LRRIQ1: variants seen among roughly 807,000 people sequenced by gnomAD.
LRRIQ1 encodes the protein leucine rich repeats and IQ motif containing 1.
LRRIQ1 carries 210 observed loss-of-function variants against 211.9 expected under a neutral mutation model. The ratio of observed to expected loss-of-function variants is 0.99; its 90% CI spans 0.89 to 1.11. The LOEUF (loss-of-function observed/expected upper bound fraction) is 1.11, where lower values mean the gene tolerates loss of function less well. Ranked by LOEUF, LRRIQ1 falls within the 50% of genes most tolerant of loss-of-function variation. The pLI is 0.00. For missense variants in LRRIQ1, 2,136 were observed against 1,939.5 expected, an observed-to-expected ratio of 1.10 and a Z score of -1.90; for synonymous variants, 699 against 650.1, an observed-to-expected ratio of 1.08 and a Z score of -1.14.
intron 6 of LRRIQ1, among the ~76,000 whole-genome samples, chr12:85,049,954 C>A (rs560804239): frequency 6.6e-6 from 1 of 152,134 alleles, no homozygotes; most frequent in African/African-American, 2.4e-5. Context: ...TCATTGATAT[C>A]CATTTTAGAC....
At chr12:85,181,592 T>A (rs956673147) in intron 24 of LRRIQ1, among the ~76,000 whole-genome samples, 2 of 152,000 alleles carry the variant, frequency 1.3e-5, no homozygotes, top group Non-Finnish European at 2.9e-5. Context: ...TTTAAGAATT[T>A]AAAATTTATG....
intron 18 of LRRIQ1, among the ~76,000 whole-genome samples, chr12:85,134,385 C>T (rs1394490676): frequency 6.6e-6 from 1 of 152,030 alleles, no homozygotes; most frequent in Non-Finnish European, 1.5e-5. Flanking sequence ...ATTTAGCATA[C>T]AGTTTAGTTC....
intron 19 of LRRIQ1, among the ~76,000 whole-genome samples, chr12:85,150,596 T>C (rs1003693504): frequency 6.6e-6 from 1 of 151,704 alleles, no homozygotes; most frequent in African/African-American, 2.4e-5. Flanking sequence ...CTTTTTTTTC[T>C]GTAATTTTCC....
rs1890375566 is a variant in LRRIQ1, at chr12:85,153,702, G to A, written c.4581G>A (p.Lys1527=). ...NKTSSWTPES[K]TSRKSLLKSE... The stretch of plus-strand genomic sequence containing the variant: ...CTTCTTCCTGGACACCTGAATCAAA[G>A]ACCAGTAGAAAGAGTTTGCTAAAAT... The change falls in exon 22 of 27, where the codon AAG becomes AAA. Residue 1527 remains lysine (K), a synonymous_variant. Transcript: ENST00000393217. The A allele has an allele frequency of 6.3e-7, 1 of 1,585,966 alleles. No individual in the cohort carries two copies. The highest frequency in any genetic ancestry group is 1.8e-5 in the Admixed American group (1 of 54,574).
chr12:85,224,311 G>C (rs1177395231), intron 24 of LRRIQ1, among the ~76,000 whole-genome samples: 2 of 152,176 alleles, frequency 1.3e-5, no homozygotes, highest in African/African-American at 4.8e-5. Flanking sequence ...GTGTAAATTA[G>C]TTCAACCATT....
At chr12:85,096,016 G>C (rs1447433107) in intron 11 of LRRIQ1, among the ~76,000 whole-genome samples, 1 of 151,982 alleles carries the variant, frequency 6.6e-6, no homozygotes, top group South Asian at 2.1e-4. Flanking sequence ...TACCAGCTTT[G>C]TTGTTTCTCA....
intron 26 of LRRIQ1, 120 bp from the exon 27 acceptor site, chr12:85,244,669 A>G (rs1293595992): frequency 1.2e-6 from 1 of 856,654 alleles, no homozygotes; most frequent in East Asian, 2.6e-5. Flanking sequence ...GGATTGTGGT[A>G]TCATTTTGAA....
At chr12:85,053,484 G>T (rs1412073199) in intron 7 of LRRIQ1, among the ~76,000 whole-genome samples, 1 of 152,052 alleles carries the variant, frequency 6.6e-6, no homozygotes. Context: ...AAAACAAATA[G>T]CCATCTTTAA....
intron 8 of LRRIQ1, among the ~76,000 whole-genome samples, chr12:85,061,506 A>G (rs541825764): frequency 6.6e-6 from 1 of 151,958 alleles, no homozygotes; most frequent in East Asian, 1.9e-4. Flanking sequence ...CTGTACTATA[A>G]TAAGATTAAA....
chr12:85,122,909 CAACATGAGATTTTA>C (rs1281505026), intron 16 of LRRIQ1, among the ~76,000 whole-genome samples: 1 of 151,830 alleles, frequency 6.6e-6, no homozygotes, highest in African/African-American at 2.4e-5. Context: ...GTCCAAATTT[CAACATGAGATTTTA>C]AATGTAGTCC....
intron 1 of LRRIQ1, among the ~76,000 whole-genome samples, chr12:85,254,637 T>A (rs1275867536): frequency 6.6e-6 from 1 of 152,108 alleles, no homozygotes; most frequent in African/African-American, 2.4e-5. Context: ...TTAATTTTAC[T>A]TGTACATGGC....
rs202153512 is a variant in LRRIQ1 at position 85,153,024 on chromosome 12, A to T, written c.4420A>T (p.Ile1474Phe). 3.5e-5 allele frequency: 54 copies of T among 1,542,112 alleles called. No homozygotes were observed. The highest frequency in any genetic ancestry group is 2.3e-5 in the Non-Finnish European group (26 of 1,135,076). Residue 1474 changes from isoleucine to phenylalanine, a missense_variant and splice_region_variant, in exon 21 of 27, where the codon ATT becomes TTT. By Grantham distance (21) the Ile-to-Phe change is conservative. Coordinates refer to ENST00000393217, the MANE Select transcript of LRRIQ1 (RefSeq NM_001079910.2). Reference protein sequence around the residue: ...LLSNQLHWPKIPGNLKWDDTS... With the variant: ...LLSNQLHWPKFPGNLKWDDTS... ...ACTTATTTACTTTTTTTGTGAAAAGATTCCTGGAAACTTAAAATGGGATGA... is the reference window on the plus strand; with the variant it reads ...ACTTATTTACTTTTTTTGTGAAAAGTTTCCTGGAAACTTAAAATGGGATGA...
At chr12:85,089,909 G>A (rs902721217) in intron 11 of LRRIQ1, among the ~76,000 whole-genome samples, 4 of 152,188 alleles carry the variant, frequency 2.6e-5, no homozygotes, top group African/African-American at 9.7e-5. Flanking sequence ...AGTGCTGATA[G>A]CCAAGACAAT....
chr12:85,249,673 A>T (rs1184445065), downstream of LRRIQ1, among the ~76,000 whole-genome samples: 1 of 151,768 alleles, frequency 6.6e-6, no homozygotes, highest in Admixed American at 6.6e-5. Flanking sequence ...CATTGTTGCT[A>T]CTCTCCTATA....
intron 20 of LRRIQ1, 29 bp downstream of exon 20, chr12:85,152,398 TC>T: frequency 6.5e-7 from 1 of 1,541,070 alleles, no homozygotes; most frequent in East Asian, 2.3e-5. Flanking sequence ...TTCTGAGTCC[TC>T]GATCTTTGCT....
At chr12:85,160,786 A>G in intron 24 of LRRIQ1, 72 bp downstream of exon 24, 2 of 761,312 alleles carry the variant, frequency 2.6e-6, no homozygotes, top group Non-Finnish European at 3.9e-6. Flanking sequence ...ATTTACAATA[A>G]ATTTTTAATT....
chr12:85,134,575 A>G (rs1458743124), intron 18 of LRRIQ1, among the ~76,000 whole-genome samples: 2 of 152,048 alleles, frequency 1.3e-5, no homozygotes, highest in Non-Finnish European at 2.9e-5. Context: ...GGTGGGCTCC[A>G]TGGAAGAATA....
chr12:85,236,505 T>C (rs1391415132), intron 26 of LRRIQ1, among the ~76,000 whole-genome samples: 3 of 151,848 alleles, frequency 2.0e-5, no homozygotes, highest in African/African-American at 7.3e-5. Context: ...GGAATGAAAA[T>C]GAAAATTAAG....
intron 24 of LRRIQ1, among the ~76,000 whole-genome samples, chr12:85,197,843 A>T (rs1233930652): frequency 2.2e-4 from 31 of 138,064 alleles, no homozygotes; most frequent in African/African-American, 6.7e-4. Context: ...AAAAAATATT[A>T]TATTTATTAT....
Sources: gnomAD v4.1 joint callset for allele counts (sites outside exome capture counted in the v4.1 genomes callset) on GRCh38, gnomAD v4.1.1 for gene constraint, MANE v1.5 for transcripts, NCBI Gene and HGNC (gene_info 2026-07-23, HGNC 2026-07-21) for gene names.